MICALL2: variants seen among roughly 807,000 people sequenced by gnomAD.
The protein encoded by MICALL2 is MICAL like 2.
A neutral mutation model predicts 91.1 loss-of-function variants in MICALL2; 111 were observed. The ratio of observed to expected loss-of-function variants is 1.22; its 90% CI spans 1.04 to 1.43. The LOEUF (loss-of-function observed/expected upper bound fraction) is 1.43. MICALL2 is among the 40% of genes most tolerant of loss of function. The pLI is 0.00. For missense variants in MICALL2, 1,556 were observed against 1,236.0 expected (o/e 1.26, Z -3.88); for synonymous variants, 694 against 525.3 (o/e 1.32, Z -4.39).
At position 1,451,797 on chromosome 7, in the gene MICALL2, G is replaced by T. The variant is rs1007142328; in HGVS notation, c.144-1509C>A. On this transcript the variant is annotated intron_variant, in intron 1 of 16. Coordinates refer to ENST00000297508, the MANE Select transcript of MICALL2 (RefSeq NM_182924.4). This position sits in a 1 kb window ranked among gnomAD's most constrained non-coding sequence, Gnocchi z 4.5. ...CAGGAAGGCTGGGCAGGTCTCAAACGGAGAAGTGGGGGCCGAGACCCCTGT... is the reference window on the plus strand; with the variant it reads ...CAGGAAGGCTGGGCAGGTCTCAAACTGAGAAGTGGGGGCCGAGACCCCTGT... Among the ~76,000 whole-genome samples, 1 of 152,242 alleles carries T rather than the reference G, an allele frequency of 6.6e-6. No individual in the cohort carries two copies. The highest frequency in any genetic ancestry group is 1.5e-5 in the Non-Finnish European group (1 of 68,038).
intron 15 of MICALL2, among the ~76,000 whole-genome samples, chr7:1,435,938 G>C (rs1006236993): frequency 6.6e-6 from 1 of 151,816 alleles, no homozygotes; most frequent in African/African-American, 2.4e-5. Flanking sequence ...TGTAGTCCCA[G>C]CTACTTGGGA....
At position 1,436,731 on chromosome 7, in the gene MICALL2, C is replaced by T; in HGVS notation, c.2591+11G>A. 1.9e-6 allele frequency: 3 copies of T among 1,595,492 alleles called. No homozygotes were observed. Among genetic ancestry groups the T allele is most frequent in the Non-Finnish European group, 2.6e-6 (3 of 1,172,106 alleles). ...CCTGGCTGGGAGGGGCCCCCGGCACCTGCCCCTCACCGGAGCCGGTCCTCG... is the reference window on the plus strand; with the variant it reads ...CCTGGCTGGGAGGGGCCCCCGGCACTTGCCCCTCACCGGAGCCGGTCCTCG... On this transcript the variant is annotated intron_variant, in intron 15 of 16. Transcript: ENST00000297508.
At chr7:1,454,156 C>G (rs60368942) in intron 1 of MICALL2, among the ~76,000 whole-genome samples, 31,435 of 149,918 alleles carry the variant, frequency 0.21, 5,684 homozygotes, top group African/African-American at 0.49. Context: ...AACAAGATTC[C>G]GCCATGGAGT....
chr7:1,442,642 A>G (rs545121171), intron 6 of MICALL2, among the ~76,000 whole-genome samples, 158 bp from the exon 7 acceptor site: 80 of 105,890 alleles, frequency 7.6e-4, no homozygotes, highest in Non-Finnish European at 1.3e-3. Context: ...CTCCCCCACC[A>G]TTGCGCCAGG....
chr7:1,450,975 A>G (rs1006981090), intron 1 of MICALL2, among the ~76,000 whole-genome samples: 2 of 152,104 alleles, frequency 1.3e-5, no homozygotes, highest in African/African-American at 4.8e-5. Flanking sequence ...CGGCTCGGGG[A>G]CCTGCCCCAG....
chr7:1,455,585 G>C (rs555500125), intron 1 of MICALL2, among the ~76,000 whole-genome samples: 2 of 152,132 alleles, frequency 1.3e-5, no homozygotes, highest in South Asian at 4.1e-4. Context: ...GTCACACGTG[G>C]CTCAAGGAGC....
intron 6 of MICALL2, among the ~76,000 whole-genome samples, chr7:1,443,963 T>TGGAAGGTCAGGGCCC (rs1780435289): frequency 5.3e-5 from 8 of 151,024 alleles, no homozygotes; most frequent in African/African-American, 2.0e-4. Flanking sequence ...GGTCAGGGCC[T>TGGAAGGTCAGGGCCC]GGCTGGACTC....
rs764663401 is a variant in MICALL2, at chr7:1,442,320, G to A, written c.1583C>T (p.Ala528Val). 1 of 1,613,208 alleles carries A rather than the reference G, an allele frequency of 6.2e-7. No individual in the cohort carries two copies. The highest frequency in any genetic ancestry group is 8.5e-7 in the Non-Finnish European group (1 of 1,179,912). Residue 528 changes from alanine to valine, a missense_variant, in exon 7 of 17, where the codon GCA (alanine) becomes GTA (valine). By Grantham distance (64) the Ala-to-Val change is moderately conservative (BLOSUM62 0). Transcript: ENST00000297508. Reference sequence around the variant, plus strand: ...CCTGCCTGCCGGGGGCAACGCGGATGCCTGAGAGGTACTGCTCGTGCTCAG... The same window carrying A: ...CCTGCCTGCCGGGGGCAACGCGGATACCTGAGAGGTACTGCTCGTGCTCAG... ...APLSTSSTSQ[A>V]SALPPAGRRN...
At chr7:1,436,336 C>T (rs151214339) in intron 15 of MICALL2, among the ~76,000 whole-genome samples, 12,407 of 150,984 alleles carry the variant, frequency 0.082, 635 homozygotes, top group Admixed American at 0.15. Context: ...GAGCCAAGAT[C>T]GCACCACTAC....
chr7:1,440,374 C>G, intron 8 of MICALL2: 1 of 628,982 alleles, frequency 1.6e-6, no homozygotes, highest in Non-Finnish European at 2.8e-6. Flanking sequence ...TGAACCCACA[C>G]GGGTGCTGCC....
intron 5 of MICALL2, among the ~76,000 whole-genome samples, chr7:1,445,895 CGGGGTGCAGGGT>C (rs1780552458): frequency 6.6e-6 from 1 of 151,776 alleles, no homozygotes; most frequent in African/African-American, 2.4e-5. Context: ...AGCCCCCACC[CGGGGTGCAGGGT>C]GGCAGCAAGG....
intron 2 of MICALL2, 122 bp from the exon 3 acceptor site, chr7:1,448,883 G>A (rs527607146): frequency 1.2e-5 from 15 of 1,222,348 alleles, no homozygotes; most frequent in Non-Finnish European, 1.5e-5. Flanking sequence ...GTTGGAGGCC[G>A]GAGCTGAGTT....
Position 1,442,497 on chromosome 7 carries a change from G to C in MICALL2, c.1419-13C>G, listed in dbSNP as rs754602838. The C allele has an allele frequency of 4.6e-6, 7 of 1,520,500 alleles. No individual in the cohort carries two copies. In the East Asian group the frequency reaches 1.4e-4, roughly 30 times the overall value. The allele number at this position is 1,520,500 out of a possible 1,614,324, so 94.2% of individuals were successfully genotyped here. On this transcript the variant is annotated splice_polypyrimidine_tract_variant and intron_variant, in intron 6 of 16. Coordinates refer to ENST00000297508, the MANE Select transcript of MICALL2 (RefSeq NM_182924.4). The stretch of plus-strand genomic sequence containing the variant: ...GGCTGGGGAGGGCCTATAAGTAAAA[G>C]CGCAGGCATCAGGCACAGCTGGATC...
At position 1,434,691 on chromosome 7, in the gene MICALL2, G is replaced by A. The variant is rs1284065252; in HGVS notation, c.2639-19C>T. The A allele has an allele frequency of 1.3e-6, 2 of 1,537,308 alleles. No homozygotes were observed. Among genetic ancestry groups the A allele is most frequent in the South Asian group, 2.5e-5 (2 of 78,904 alleles). On this transcript the variant is annotated intron_variant, in intron 16 of 16. Transcript: ENST00000297508. ...TGGAGGCCTAGGGGACAGGTGGACA[G>A]TGAGGCCGTGCTCAACGCCGCAGCC... is the stretch of plus-strand genomic sequence containing the variant.
At position 1,452,124 on chromosome 7, in the gene MICALL2, TA is replaced by T. The variant is rs1275125983; in HGVS notation, c.144-1837del. On this transcript the variant is annotated intron_variant, in intron 1 of 16. Coordinates refer to ENST00000297508, the MANE Select transcript of MICALL2 (RefSeq NM_182924.4). The surrounding 1 kb of genome is among the most constrained non-coding windows in gnomAD (Gnocchi z 6.2). Reference sequence around the variant, plus strand: ...TTTCCAGCTTGGACCCCCTCCCAGGTAACAGGTTTCAGACGGCAGGACCACC... The same window carrying T: ...TTTCCAGCTTGGACCCCCTCCCAGGTACAGGTTTCAGACGGCAGGACCACC... 9.2e-5 allele frequency among the ~76,000 whole-genome samples: 14 copies of T among 152,178 alleles called. No homozygotes were observed. Among genetic ancestry groups the T allele is most frequent in the Non-Finnish European group, 8.8e-5 (6 of 67,984 alleles).
At chr7:1,438,594 G>A (rs904329223) in intron 10 of MICALL2, 31 of 1,421,496 alleles carry the variant, frequency 2.2e-5, no homozygotes, top group Non-Finnish European at 2.8e-5. Context: ...AGCCACCCCA[G>A]TCCCTCAAGC....
In MICALL2 at chr7:1,446,774, G is replaced by A. The variant is rs1179190359; in HGVS notation, c.580C>T (p.His194Tyr). The change falls in exon 5 of 17, where the codon CAC becomes TAC. Residue 194 changes from histidine to tyrosine, a missense_variant. Physicochemically the swap from His to Tyr is moderately conservative, Grantham distance 83. Transcript: ENST00000297508. The stretch of plus-strand genomic sequence containing the variant: ...AGGTGCCGCTGTACCAGGTGCACGT[G>A]CTTGCCGCAGACCCCGCAGGTGCTG... The part of the protein sequence containing the change: ...VSSTCGVCGK[H>Y]VHLVQRHLAD... 3.1e-6 allele frequency: 5 copies of A among 1,608,148 alleles called. No homozygotes were observed. The highest frequency in any genetic ancestry group is 4.5e-5 in the East Asian group (2 of 44,778).
chr7:1,445,038 G>A lies in MICALL2; in HGVS notation c.1032C>T (p.Ser344=), dbSNP rs1316890739. 1.4e-5 allele frequency: 21 copies of A among 1,536,972 alleles called. No homozygotes were observed. Among genetic ancestry groups the A allele is most frequent in the Admixed American group, 6.0e-5 (3 of 50,036 alleles). Residue 344 remains serine, a synonymous_variant, in exon 6 of 17, where the codon TCC becomes TCT. Transcript: ENST00000297508. The part of the protein sequence containing the change: ...GKVRPRVTNS[S]PMGWSSAAPC... Reference sequence around the variant, plus strand: ...GGGCAGCTGACGACCAGCCCATCGGGGAGCTATTGGTCACACGAGGGCGGA... The same window carrying A: ...GGGCAGCTGACGACCAGCCCATCGGAGAGCTATTGGTCACACGAGGGCGGA...
rs180940419 is a variant in MICALL2, at chr7:1,454,826, G to A, written c.143+4358C>T. On this transcript the variant is annotated intron_variant, in intron 1 of 16. Transcript: ENST00000297508. ...GGCCCCCAACAATAGTGGTGTCTCG[G>A]GGAGCCCCGCCACCCTTGGGAGCCA... Among the ~76,000 whole-genome samples the A allele has an allele frequency of 4.1e-3, 620 of 152,268 alleles. 2 individuals carry two copies. Among genetic ancestry groups the A allele is most frequent in the Middle Eastern group, 0.01 (3 of 294 alleles).
Sources: gnomAD v4.1 joint callset for allele counts (sites outside exome capture counted in the v4.1 genomes callset) on GRCh38, gnomAD v4.1.1 for gene constraint, Gnocchi (gnomAD v3.1) non-coding constraint, MANE v1.5 for transcripts, NCBI Gene and HGNC (gene_info 2026-07-23, HGNC 2026-07-21) for gene names.